LMOD1: variants seen among roughly 807,000 people sequenced by gnomAD.
LMOD1 encodes leiomodin 1.
A neutral mutation model predicts 36.5 loss-of-function variants in LMOD1; 8 were observed. The ratio of observed to expected loss-of-function variants is 0.22; its 90% CI spans 0.13 to 0.40. The LOEUF (loss-of-function observed/expected upper bound fraction) is 0.40. Among genes scored for constraint, LMOD1 ranks in the 10% least tolerant of loss-of-function variants. The probability of loss-of-function intolerance (pLI) is 1.00; values close to 1 mark genes in which losing one functional copy is unlikely to be tolerated. For synonymous variants in LMOD1, 284 were observed against 288.7 expected, an observed-to-expected ratio of 0.98 and a Z score of 0.17; for missense variants, 630 against 751.1, an observed-to-expected ratio of 0.84 and a Z score of 1.88.
chr1:201,904,414 T>C (rs1681379201), intron 1 of LMOD1, among the ~76,000 whole-genome samples: 1 of 152,214 alleles, frequency 6.6e-6, no homozygotes, highest in South Asian at 2.1e-4. Flanking sequence ...TTCTCCATGT[T>C]GGTCAGGCTG....
In LMOD1 at chr1:201,900,462, G is replaced by A. The variant is rs770423169; in HGVS notation, c.551C>T (p.Ala184Val). Reference protein sequence around the residue: ...KDGRGEERAVATKKEEEKKGS... With the variant: ...KDGRGEERAVVTKKEEEKKGS... ...TTTCTTCTCCTCTTCCTTCTTGGTG[G>A]CCACTGCCCTCTCCTCTCCTCTCCC... Residue 184 changes from alanine to valine, a missense_variant, in exon 2 of 3, where the codon GCC becomes GTC. Physicochemically the swap from Ala to Val is moderately conservative, Grantham distance 64. This residue lies in a region of LMOD1 where 405 missense variants were observed against 400.6 expected (regional missense o/e 1.01). Transcript: ENST00000367288. 1.9e-5 allele frequency: 30 copies of A among 1,608,078 alleles called. No individual in the cohort carries two copies. Among genetic ancestry groups the A allele is most frequent in the Non-Finnish European group, 2.5e-5 (30 of 1,177,256 alleles).
chr1:201,921,761 C>T (rs966133260), intron 1 of LMOD1, among the ~76,000 whole-genome samples: 24 of 151,756 alleles, frequency 1.6e-4, no homozygotes, highest in African/African-American at 4.8e-4. Flanking sequence ...GAGATCGAGA[C>T]CATCCTGGCT....
At chr1:201,931,535 C>CA (rs11334173) in intron 1 of LMOD1, among the ~76,000 whole-genome samples, 31,439 of 82,264 alleles carry the variant, frequency 0.38, 5,489 homozygotes, top group East Asian at 0.55. Flanking sequence ...GAGACTCTGT[C>CA]AAAAAAAAAA....
Position 201,900,065 on chromosome 1 carries a change from G to T in LMOD1, c.948C>A (p.Ser316Arg). 1 of 1,613,844 alleles carries T rather than the reference G, an allele frequency of 6.2e-7. No homozygotes were observed. The highest frequency in any genetic ancestry group is 8.5e-7 in the Non-Finnish European group (1 of 1,179,878). Residue 316 changes from serine to arginine, a missense_variant, in exon 2 of 3, where the codon AGC (serine) becomes AGA (arginine). Around this residue, in one of 3 missense-constraint regions of LMOD1, gnomAD observed 405 missense variants for 400.6 expected, o/e 1.01. Coordinates refer to ENST00000367288, the MANE Select transcript of LMOD1 (RefSeq NM_012134.3). Reference protein sequence around the residue: ...PAKVEEEAAPSIFDEPLERVK... With the variant: ...PAKVEEEAAPRIFDEPLERVK... Reference sequence around the variant, plus strand: ...CTCTCTCCAGAGGCTCATCAAATATGCTGGGAGCTGCCTCCTCCTCCACCT... The same window carrying T: ...CTCTCTCCAGAGGCTCATCAAATATTCTGGGAGCTGCCTCCTCCTCCACCT...
Position 201,899,810 on chromosome 1 carries a change from G to A in LMOD1, c.1203C>T (p.Gly401=), listed in dbSNP as rs763234288. 1.5e-5 allele frequency: 25 copies of A among 1,614,030 alleles called. No homozygotes were observed. Among genetic ancestry groups the A allele is most frequent in the Non-Finnish European group, 2.1e-5 (25 of 1,179,888 alleles). Reference sequence around the variant, plus strand: ...CCCGGAAGATGGCCAGGATGCCTTTGCCTGTGATGTGGTTGGAGTCCAGGT... The same window carrying A: ...CCCGGAAGATGGCCAGGATGCCTTTACCTGTGATGTGGTTGGAGTCCAGGT... ...SLNLDSNHIT[G]KGILAIFRAL... The change falls in exon 2 of 3, where the codon GGC becomes GGT. Residue 401 remains glycine, a synonymous_variant. Coordinates refer to ENST00000367288, the MANE Select transcript of LMOD1 (RefSeq NM_012134.3). The surrounding 1 kb of genome is among the most constrained non-coding windows in gnomAD (Gnocchi z 6.3).
intron 1 of LMOD1, among the ~76,000 whole-genome samples, chr1:201,927,599 A>AAG (rs1378022199): frequency 4.6e-5 from 7 of 151,984 alleles, no homozygotes; most frequent in Non-Finnish European, 8.8e-5. Flanking sequence ...AAAAAAAAAA[A>AAG]AAGAAGAATT....
At chr1:201,907,714 G>A (rs1047825343) in intron 1 of LMOD1, among the ~76,000 whole-genome samples, 6 of 152,148 alleles carry the variant, frequency 3.9e-5, no homozygotes, top group African/African-American at 1.4e-4. Context: ...ACCAACAATA[G>A]CAACTAGCAC....
chr1:201,908,925 C>T (rs1299550085), intron 1 of LMOD1, among the ~76,000 whole-genome samples: 2 of 152,322 alleles, frequency 1.3e-5, no homozygotes, highest in Non-Finnish European at 2.9e-5. Flanking sequence ...CAGCATGCGA[C>T]CCAATCCGCA....
At chr1:201,941,370 A>G (rs914553197) in intron 1 of LMOD1, among the ~76,000 whole-genome samples, 4 of 152,218 alleles carry the variant, frequency 2.6e-5, no homozygotes, top group African/African-American at 9.6e-5. Context: ...TTGCTTTTTC[A>G]AACTCTGGAT....
At chr1:201,945,229 A>G (rs1302951230) in intron 1 of LMOD1, among the ~76,000 whole-genome samples, 2 of 152,142 alleles carry the variant, frequency 1.3e-5, no homozygotes, top group Non-Finnish European at 2.9e-5. Context: ...AAATTCCTCC[A>G]TGCCAACTCA....
At chr1:201,913,571 C>T (rs774965934) in intron 1 of LMOD1, among the ~76,000 whole-genome samples, 2 of 152,202 alleles carry the variant, frequency 1.3e-5, no homozygotes, top group Non-Finnish European at 2.9e-5. Flanking sequence ...TGCACGACTG[C>T]ACTCCAGCCT....
chr1:201,926,416 G>C (rs1681828484), intron 1 of LMOD1, among the ~76,000 whole-genome samples: 4 of 152,166 alleles, frequency 2.6e-5, no homozygotes, highest in Admixed American at 2.0e-4. Flanking sequence ...GGGCGCCAAA[G>C]GCCAAGAGAA....
In LMOD1 at chr1:201,896,536, A is replaced by G. The variant is rs768169405; in HGVS notation, c.*1836T>C. 2.6e-5 allele frequency: 12 copies of G among 456,646 alleles called. No individual in the cohort carries two copies. Among genetic ancestry groups the G allele is most frequent in the South Asian group, 1.7e-4 (11 of 64,580 alleles). 28.3% of individuals were successfully genotyped at this position (456,646 alleles called of 1,614,324 possible). On this transcript the variant is annotated 3_prime_UTR_variant, in exon 3 of 3. Coordinates refer to ENST00000367288, the MANE Select transcript of LMOD1 (RefSeq NM_012134.3). ...GGCCAAATTCTATCTGCAAAATAGA[A>G]TATTGGTATCCACCTCACAGAGTTG... is the stretch of plus-strand genomic sequence containing the variant.
At position 201,899,608 on chromosome 1, in the gene LMOD1, G is replaced by A. The variant is rs770962428; in HGVS notation, c.1405C>T (p.Arg469Cys). 1.2e-5 allele frequency: 19 copies of A among 1,612,824 alleles called. No homozygotes were observed. Among genetic ancestry groups the A allele is most frequent in the East Asian group, 2.2e-5 (1 of 44,820 alleles). Residue 469 changes from arginine (R) to cysteine (C), a missense_variant, in exon 2 of 3, where the codon CGC becomes TGC. By Grantham distance (180) the Arg-to-Cys change is radical. Transcript: ENST00000367288. This position sits in a 1 kb window ranked among gnomAD's most constrained non-coding sequence, Gnocchi z 6.3. ...TTTTGTCTCTGCTTGTCCATGTTGC[G>A]GCTGAGCAGATTGGTGACAGTCATT... Reference protein sequence around the residue: ...PRMTVTNLLSRNMDKQRQKRL... With the variant: ...PRMTVTNLLSCNMDKQRQKRL...
chr1:201,916,106 C>T (rs57746981), intron 1 of LMOD1, among the ~76,000 whole-genome samples: 47,133 of 151,270 alleles, frequency 0.31, 8,038 homozygotes, highest in Middle Eastern at 0.42. Context: ...TTTGTAGAGA[C>T]GGGGTTTCGC....
At chr1:201,913,052 G>A (rs375735604) in intron 1 of LMOD1, among the ~76,000 whole-genome samples, 29 of 152,152 alleles carry the variant, frequency 1.9e-4, no homozygotes, top group Admixed American at 1.1e-3. Context: ...CACCACTGAC[G>A]TTCCCTAAAG....
rs1558240507 is a variant in LMOD1, at chr1:201,924,693, GAAAGAAAGAAAGAAAGAAAGAAAGAA to G, written c.261+21361_261+21386del. Among the ~76,000 whole-genome samples, 221 of 120,010 alleles carry G rather than the reference GAAAGAAAGAAAGAAAGAAAGAAAGAA, an allele frequency of 1.8e-3. 5 individuals are homozygous for G. The highest frequency in any genetic ancestry group is 7.9e-4 in the Non-Finnish European group (43 of 54,548). 78.7% of individuals were successfully genotyped at this position (120,010 alleles called of 152,430 possible). On this transcript the variant is annotated intron_variant, in intron 1 of 2. Coordinates refer to ENST00000367288, the MANE Select transcript of LMOD1 (RefSeq NM_012134.3). ...AGAAAGAAAGAAAGAAAGAAAGAAAGAAAGAAAGAAAGAAAGAAAGAAAGAAAGAAAGAAAGAAAAGAAAGAAATAG... is the reference window on the plus strand; with the variant it reads ...AGAAAGAAAGAAAGAAAGAAAGAAAGAGAAAGAAAGAAAAGAAAGAAATAG...
At chr1:201,911,025 C>T (rs1681488199) in intron 1 of LMOD1, among the ~76,000 whole-genome samples, 1 of 152,052 alleles carries the variant, frequency 6.6e-6, no homozygotes, top group East Asian at 1.9e-4. Flanking sequence ...CTGTGCTCCC[C>T]ACGGTCACAG....
chr1:201,902,578 C>G (rs904068847), intron 1 of LMOD1, among the ~76,000 whole-genome samples: 3 of 152,156 alleles, frequency 2.0e-5, no homozygotes, highest in Non-Finnish European at 2.9e-5. Flanking sequence ...TCCTGAGTAG[C>G]TGGGATTACA....
Sources: allele counts gnomAD v4.1 joint callset (sites outside exome capture counted in the v4.1 genomes callset), GRCh38; gene constraint gnomAD v4.1.1; regional missense constraint gnomAD v4.1.1; non-coding constraint Gnocchi (gnomAD v3.1); transcripts MANE v1.5; gene names NCBI Gene and HGNC (gene_info 2026-07-23, HGNC 2026-07-21).